TRAF6: variants seen among roughly 807,000 people sequenced by gnomAD.
TRAF6 encodes the protein TNF receptor-associated factor 6.
In TRAF6, 10 loss-of-function variants were observed where a neutral mutation model predicts 48.4. The ratio of observed to expected loss-of-function variants is 0.21; its 90% CI spans 0.13 to 0.35. The LOEUF is 0.35. Among genes scored for constraint, TRAF6 ranks in the 10% least tolerant of loss-of-function variants. The pLI is 1.00. For missense variants in TRAF6, 397 were observed against 661.0 expected (o/e 0.60, Z 4.38); for synonymous variants, 186 against 219.6 (o/e 0.85, Z 1.35).
At chr11:36,498,862 A>G (rs1021957697) in intron 2 of TRAF6, among the ~76,000 whole-genome samples, 3 of 152,234 alleles carry the variant, frequency 2.0e-5, no homozygotes, top group African/African-American at 7.2e-5. Context: ...AACCTATCAA[A>G]AGCTAAGGGA....
chr11:36,508,971 C>G lies in TRAF6; in HGVS notation c.-23+1077G>C, dbSNP rs113368118. On this transcript the variant is annotated intron_variant, in intron 1 of 6. Coordinates refer to ENST00000526995, the MANE Select transcript of TRAF6 (RefSeq NM_004620.4). Reference sequence around the variant, plus strand: ...ATTGTGGTGCATGCAGGCTGAAACTCTGATGTGATCCTGTACCCACCACAT... The same window carrying G: ...ATTGTGGTGCATGCAGGCTGAAACTGTGATGTGATCCTGTACCCACCACAT... Among the ~76,000 whole-genome samples the G allele has an allele frequency of 4.1e-4, 63 of 152,324 alleles. 1 individual carries two copies. The highest frequency in any genetic ancestry group is 3.4e-3 in the Middle Eastern group (1 of 294).
chr11:36,505,386 G>A (rs116826829), intron 1 of TRAF6, among the ~76,000 whole-genome samples: 724 of 152,294 alleles, frequency 4.8e-3, no homozygotes, highest in African/African-American at 0.016. Flanking sequence ...ACGGAGATGC[G>A]TTTCTTTCCT....
intron 2 of TRAF6, 105 bp from the exon 3 acceptor site, chr11:36,498,745 T>C (rs2133673167): frequency 8.2e-7 from 1 of 1,220,330 alleles, no homozygotes; most frequent in Non-Finnish European, 1.1e-6. Context: ...GTTTCATAAG[T>C]AAAAACAATT....
chr11:36,501,843 A>G, intron 1 of TRAF6: 1 of 184,348 alleles, frequency 5.4e-6, no homozygotes, highest in Non-Finnish European at 1.1e-5. Context: ...AAGTTAAAAA[A>G]GGAGAAGCAC....
At chr11:36,499,783 G>C (rs1291949945) in intron 2 of TRAF6, among the ~76,000 whole-genome samples, 1 of 150,386 alleles carries the variant, frequency 6.6e-6, no homozygotes, top group Non-Finnish European at 1.5e-5. Flanking sequence ...AAAAGTTAAT[G>C]TAAAAGTTGG....
rs1416591282 is a variant in TRAF6 at position 36,497,305 on chromosome 11, C to A, written c.448-39G>T. 4 of 1,576,832 alleles carry A rather than the reference C, an allele frequency of 2.5e-6. No homozygotes were observed. In the Admixed American group the frequency reaches 7.4e-5, roughly 29 times the overall value. On this transcript the variant is annotated intron_variant, in intron 3 of 6. Transcript: ENST00000526995. ...AATAATGGATTAGCATTAGCCAACT[C>A]TGAAGTCTTCTACATATAAGCTCTC... is the stretch of plus-strand genomic sequence containing the variant.
intron 1 of TRAF6, among the ~76,000 whole-genome samples, chr11:36,505,341 T>C (rs1564969603): frequency 6.6e-6 from 1 of 152,242 alleles, no homozygotes; most frequent in East Asian, 1.9e-4. Context: ...TAGTTTTACA[T>C]CAACACTTGC....
At chr11:36,492,301 T>C (rs1472433152) in intron 6 of TRAF6, among the ~76,000 whole-genome samples, 1 of 152,210 alleles carries the variant, frequency 6.6e-6, no homozygotes, top group Non-Finnish European at 1.5e-5. Flanking sequence ...CTCTCCTTTG[T>C]CTTCTTGGAA....
chr11:36,493,830 T>C (rs1457708388), intron 5 of TRAF6, among the ~76,000 whole-genome samples: 2 of 152,216 alleles, frequency 1.3e-5, no homozygotes, highest in African/African-American at 4.8e-5. Flanking sequence ...AATTAAGGCT[T>C]TGTTGGAAAA....
In TRAF6 at chr11:36,490,044, C is replaced by T. The variant is rs774438696; in HGVS notation, c.1363G>A (p.Glu455Lys). ...GTGGGTCGCTGGAAAGCAAGCAGCT[C>T]TGGTTTGGCATCCATTATCTCTTCG... Reference protein sequence around the residue: ...NHEEIMDAKPELLAFQRPTIP... With the variant: ...NHEEIMDAKPKLLAFQRPTIP... Residue 455 changes from glutamate (E) to lysine (K), a missense_variant, in exon 7 of 7, where the codon GAG becomes AAG. Physicochemically the swap from Glu to Lys is moderately conservative, Grantham distance 56. Coordinates refer to ENST00000526995, the MANE Select transcript of TRAF6 (RefSeq NM_004620.4). The surrounding 1 kb of genome is among the most constrained non-coding windows in gnomAD (Gnocchi z 6.4). 6.2e-7 allele frequency: 1 copy of T among 1,614,234 alleles called. No homozygotes were observed.
intron 5 of TRAF6, 60 bp downstream of exon 5, chr11:36,494,916 A>T: frequency 1.6e-6 from 2 of 1,231,106 alleles, no homozygotes; most frequent in East Asian, 4.8e-5. Flanking sequence ...TCAATTAAAA[A>T]ACCTAATTCA....
chr11:36,500,807 A>T (rs1462564383), intron 2 of TRAF6, among the ~76,000 whole-genome samples: 1 of 152,114 alleles, frequency 6.6e-6, no homozygotes, highest in Non-Finnish European at 1.5e-5. Context: ...AATAAACAAG[A>T]TTTAACATGC....
intron 1 of TRAF6, among the ~76,000 whole-genome samples, chr11:36,505,741 T>C (rs1859775888): frequency 6.6e-6 from 1 of 152,228 alleles, no homozygotes; most frequent in East Asian, 1.9e-4. Context: ...TGATTTAAAG[T>C]GACAGACATG....
Position 36,501,429 on chromosome 11 carries a change from A to T in TRAF6, c.87T>A (p.Ala29=). 1 of 1,614,172 alleles carries T rather than the reference A, an allele frequency of 6.2e-7. No individual in the cohort carries two copies. Residue 29 remains alanine, a synonymous_variant, in exon 2 of 7, where the codon GCT becomes GCA. Coordinates refer to ENST00000526995, the MANE Select transcript of TRAF6 (RefSeq NM_004620.4). The part of the protein sequence containing the change: ...CCVAMASSCS[A]VTKDDSVGGT... ...CACCCACACTATCATCTTTTGTTAC[A>T]GCGCTACAGGAGCTGGCCATGGCCA...
intron 1 of TRAF6, among the ~76,000 whole-genome samples, chr11:36,502,831 C>T (rs1222040194): frequency 6.6e-6 from 1 of 152,150 alleles, no homozygotes; most frequent in Non-Finnish European, 1.5e-5. Context: ...TCAATTTTCT[C>T]ATCTGTAAAA....
intron 6 of TRAF6, among the ~76,000 whole-genome samples, chr11:36,491,963 C>CT (rs1273091296): frequency 2.0e-5 from 3 of 152,106 alleles, no homozygotes; most frequent in South Asian, 2.1e-4. Flanking sequence ...TGTGTTCACT[C>CT]TTTTTTGCCG....
rs1195525138 is a variant in TRAF6 at position 36,484,228 on chromosome 11, T to A, written c.*5610A>T. Among the ~76,000 whole-genome samples the A allele has an allele frequency of 6.6e-6, 1 of 152,212 alleles. No homozygotes were observed. The highest frequency in any genetic ancestry group is 2.4e-5 in the African/African-American group (1 of 41,434). ...ATGTGCCACCTCAAATCTGGATAAT[T>A]CCTTTAATCCCTTCCTTCAATACAA... On this transcript the variant is annotated 3_prime_UTR_variant, in exon 7 of 7. Transcript: ENST00000526995.
At chr11:36,503,923 T>C (rs1859751687) in intron 1 of TRAF6, among the ~76,000 whole-genome samples, 2 of 152,166 alleles carry the variant, frequency 1.3e-5, no homozygotes, top group South Asian at 4.1e-4. Context: ...AAGCAAGTAA[T>C]ACAATTTTTT....
intron 2 of TRAF6, among the ~76,000 whole-genome samples, chr11:36,499,547 C>T (rs1043960853): frequency 4.6e-5 from 7 of 152,198 alleles, no homozygotes; most frequent in Admixed American, 1.3e-4. Context: ...GGCAGTGAGC[C>T]GAGATCGCGC....
Sources: allele counts gnomAD v4.1 joint callset (sites outside exome capture counted in the v4.1 genomes callset), GRCh38; gene constraint gnomAD v4.1.1; non-coding constraint Gnocchi (gnomAD v3.1); transcripts MANE v1.5; gene names NCBI Gene and HGNC (gene_info 2026-07-23, HGNC 2026-07-21).